ARHGAP32: variants seen among roughly 807,000 people sequenced by gnomAD.
ARHGAP32 encodes Rho GTPase activating protein 32.
Under a neutral mutation model 186.5 loss-of-function variants are expected in ARHGAP32, and 51 were observed. The ratio of observed to expected loss-of-function variants is 0.27; its 90% CI spans 0.22 to 0.35. ARHGAP32 has a LOEUF of 0.35. Ranked by LOEUF, ARHGAP32 falls within the 10% of genes least tolerant of loss-of-function variation. ARHGAP32 has a pLI of 1.00. For synonymous variants in ARHGAP32, 950 were observed against 964.3 expected (o/e 0.99, Z 0.27); for missense variants, 2,186 against 2,623.5 (o/e 0.83, Z 3.64).
intron 10 of ARHGAP32, among the ~76,000 whole-genome samples, chr11:129,049,941 T>C (rs1420442499): frequency 2.6e-5 from 4 of 152,250 alleles, no homozygotes; most frequent in Admixed American, 6.5e-5. Flanking sequence ...GATGTTCACA[T>C]TGGAAACTGT....
intron 5 of ARHGAP32, among the ~76,000 whole-genome samples, chr11:129,114,841 T>C (rs1383321061): frequency 6.6e-6 from 1 of 152,154 alleles, no homozygotes; most frequent in African/African-American, 2.4e-5. Context: ...CAATTACAAT[T>C]AGTGTTGTTA....
At chr11:129,223,755 G>C (rs1007924241) in intron 1 of ARHGAP32, among the ~76,000 whole-genome samples, 1 of 152,190 alleles carries the variant, frequency 6.6e-6, no homozygotes, top group African/African-American at 2.4e-5. Context: ...ACTCCTGTCA[G>C]AGAGAGCCAA....
chr11:129,142,464 A>T (rs1257014710), intron 2 of ARHGAP32, among the ~76,000 whole-genome samples: 1 of 152,142 alleles, frequency 6.6e-6, no homozygotes, highest in African/African-American at 2.4e-5. Context: ...GTAGTCAAAT[A>T]ACATACATAT....
At chr11:129,043,384 T>TC (rs1372561059) in intron 10 of ARHGAP32, among the ~76,000 whole-genome samples, 45 of 136,602 alleles carry the variant, frequency 3.3e-4, no homozygotes, top group Non-Finnish European at 6.4e-4. Context: ...TTTTTTTCTT[T>TC]TTTTTTTTTT....
In ARHGAP32 at chr11:129,212,065, G is replaced by A. The variant is rs1944588173; in HGVS notation, c.-4-47638C>T. On this transcript the variant is annotated intron_variant, in intron 1 of 6. Transcript: ENST00000525234. ...AGCTACTTGGGGGACTGAGGTGGAA[G>A]GATTGCTTGTGCCTGGAAGGTCAAA... 2.6e-5 allele frequency among the ~76,000 whole-genome samples: 4 copies of A among 152,122 alleles called. No homozygotes were observed. In the South Asian group the frequency reaches 8.3e-4, roughly 32 times the overall value.
upstream of ARHGAP32, among the ~76,000 whole-genome samples, chr11:129,194,970 T>G: frequency 6.6e-6 from 1 of 151,038 alleles, no homozygotes; most frequent in Admixed American, 6.6e-5. Flanking sequence ...TTGTTTTGTT[T>G]TGTTTTGTTT....
At chr11:129,012,394 AGCTCTATCCACTTTAAAAG>A (rs1420795916) in intron 11 of ARHGAP32, among the ~76,000 whole-genome samples, 1 of 152,224 alleles carries the variant, frequency 6.6e-6, no homozygotes, top group Non-Finnish European at 1.5e-5. Context: ...ACTTTCCTGA[AGCTCTATCCACTTTAAAAG>A]GCTTAGAAAT....
chr11:128,968,257 A>G lies in ARHGAP32; in HGVS notation c.*650T>C, dbSNP rs1053497241. 3.3e-5 allele frequency: 5 copies of G among 152,292 alleles called. No individual in the cohort carries two copies. In the East Asian group the frequency reaches 9.7e-4, roughly 29 times the overall value. 9.4% of individuals were successfully genotyped at this position (152,292 alleles called of 1,614,324 possible). A position where few individuals can be genotyped will look rare whatever the true frequency, so the allele number is the denominator to read the frequency against. On this transcript the variant is annotated 3_prime_UTR_variant, in exon 23 of 23. Coordinates refer to ENST00000682385, the MANE Select transcript of ARHGAP32 (RefSeq NM_001378024.1). ...AATAGAAAGAGTATGGTTCAGCCTG[A>G]GTCTAAGTGGTCTGGTGTTTTATGA...
chr11:129,059,984 GGTTACAAATCAATCTTTGAA>G (rs1591577456), intron 10 of ARHGAP32, among the ~76,000 whole-genome samples: 1 of 152,000 alleles, frequency 6.6e-6, no homozygotes, highest in East Asian at 1.9e-4. Context: ...TTTCATTATC[GGTTACAAATCAATCTTTGAA>G]GTTAGAAATT....
intron 11 of ARHGAP32, among the ~76,000 whole-genome samples, chr11:129,027,684 C>G (rs140058167): frequency 2.6e-4 from 40 of 152,314 alleles, no homozygotes; most frequent in African/African-American, 9.6e-4. Flanking sequence ...ACCCTACCCT[C>G]CCTTGAAAAT....
chr11:129,188,380 G>A (rs923386700), intron 1 of ARHGAP32, among the ~76,000 whole-genome samples: 1 of 152,154 alleles, frequency 6.6e-6, no homozygotes, highest in African/African-American at 2.4e-5. Context: ...AGAAAATCTT[G>A]AAATTGTTTT....
In ARHGAP32 at chr11:129,055,517, A is replaced by C. The variant is rs1940215250; in HGVS notation, c.963+6763T>G. ...TAGCAGTTTCATTCATAATTGCTAAAAACATGAAAGCAACCACAAGGTCCT... is the reference window on the plus strand; with the variant it reads ...TAGCAGTTTCATTCATAATTGCTAACAACATGAAAGCAACCACAAGGTCCT... On this transcript the variant is annotated intron_variant, in intron 10 of 22. Coordinates refer to ENST00000682385, the MANE Select transcript of ARHGAP32 (RefSeq NM_001378024.1). 3.3e-5 allele frequency among the ~76,000 whole-genome samples: 5 copies of C among 152,254 alleles called. No individual in the cohort carries two copies. The South Asian group carries it at 1.0e-3, about 32-fold the overall frequency.
intron 5 of ARHGAP32, among the ~76,000 whole-genome samples, chr11:129,096,807 C>G (rs1253578611): frequency 6.6e-6 from 1 of 152,158 alleles, no homozygotes; most frequent in Non-Finnish European, 1.5e-5. Flanking sequence ...CCTTCCCTGT[C>G]CCCCTTGATT....
At chr11:129,104,293 A>G (rs1298547360) in intron 5 of ARHGAP32, among the ~76,000 whole-genome samples, 1 of 152,146 alleles carries the variant, frequency 6.6e-6, no homozygotes, top group African/African-American at 2.4e-5. Flanking sequence ...ATTTAGCTAT[A>G]TAAGAATAGT....
upstream of ARHGAP32, among the ~76,000 whole-genome samples, chr11:129,193,668 ATATATAATATATAATATATAT>A (rs1460376606): frequency 1.7e-4 from 7 of 41,882 alleles, no homozygotes; most frequent in African/African-American, 3.7e-4. Context: ...AATATATATT[ATATATAATATATAATATATAT>A]TATATAATAT....
At chr11:129,137,767 A>G (rs1386349387) in intron 2 of ARHGAP32, among the ~76,000 whole-genome samples, 2 of 152,084 alleles carry the variant, frequency 1.3e-5, no homozygotes, top group Non-Finnish European at 2.9e-5. Flanking sequence ...CTAGACTGAC[A>G]GTGGACAGTC....
chr11:129,173,821 C>A (rs982844614), intron 1 of ARHGAP32, among the ~76,000 whole-genome samples: 7 of 151,960 alleles, frequency 4.6e-5, no homozygotes, highest in African/African-American at 1.7e-4. Context: ...AATGATTTCC[C>A]ACTGAGATCA....
intron 8 of ARHGAP32, among the ~76,000 whole-genome samples, chr11:129,064,517 A>G (rs899544369): frequency 2.6e-5 from 4 of 152,152 alleles, no homozygotes; most frequent in Admixed American, 1.3e-4. Flanking sequence ...TCCCTTGCTA[A>G]TAACTGAAAA....
At chr11:129,248,528 A>G (rs79687721) in intron 1 of ARHGAP32, among the ~76,000 whole-genome samples, 7,548 of 152,232 alleles carry the variant, frequency 0.05, 264 homozygotes, top group Non-Finnish European at 0.071. Flanking sequence ...CTGTGCCTAA[A>G]TCACCCCAGC....
Sources: allele counts gnomAD v4.1 joint callset (sites outside exome capture counted in the v4.1 genomes callset), GRCh38; gene constraint gnomAD v4.1.1; transcripts MANE v1.5; gene names NCBI Gene and HGNC (gene_info 2026-07-23, HGNC 2026-07-21).